PARP16: variants seen among roughly 807,000 people sequenced by gnomAD.
PARP16 encodes protein mono-ADP-ribosyltransferase PARP16.
PARP16 carries 31 observed loss-of-function variants against 35.0 expected under a neutral mutation model. The ratio of observed to expected loss-of-function variants is 0.88; its 90% CI spans 0.66 to 1.19. PARP16 has a LOEUF of 1.19. Among genes scored for constraint, PARP16 ranks in the 50% most tolerant of loss-of-function variants. PARP16 has a pLI of 0.00. For missense variants in PARP16, 424 were observed against 411.2 expected (o/e 1.03, Z -0.27); for synonymous variants, 162 against 169.5 (o/e 0.96, Z 0.34).
In PARP16 at chr15:65,275,314, T is replaced by A. The variant is rs1459927527; in HGVS notation, c.175-4242A>T. On this transcript the variant is annotated intron_variant, in intron 1 of 5. Coordinates refer to ENST00000649807, the MANE Select transcript of PARP16 (RefSeq NM_001316943.2). Reference sequence around the variant, plus strand: ...AAAGCGCAGCATGTAGCTGGGGAAGTGGGTGGTGGCATGGTTAATTGTGCA... The same window carrying A: ...AAAGCGCAGCATGTAGCTGGGGAAGAGGGTGGTGGCATGGTTAATTGTGCA... Among the ~76,000 whole-genome samples, 8 of 152,082 alleles carry A rather than the reference T, an allele frequency of 5.3e-5. No homozygotes were observed. The East Asian group carries it at 1.5e-3, about 29-fold the overall frequency.
Position 65,260,935 on chromosome 15 carries a change from C to A in PARP16, c.783G>T (p.Gln261His). ...CCAGGAGGTACTTCACTCGCAGCAG[C>A]TGGTTATTGGTGACCACGAAGTACT... ...PPKYFVVTNN[Q>H]LLRVKYLLVY... The change falls in exon 5 of 6, where the codon CAG becomes CAT. Residue 261 changes from glutamine (Q) to histidine (H), a missense_variant. Transcript: ENST00000649807. 1 of 1,614,062 alleles carries A rather than the reference C, an allele frequency of 6.2e-7. No homozygotes were observed. Among genetic ancestry groups the A allele is most frequent in the Non-Finnish European group, 8.5e-7 (1 of 1,179,966 alleles).
downstream of PARP16, among the ~76,000 whole-genome samples, chr15:65,234,162 T>C (rs755116): frequency 6.6e-6 from 1 of 152,012 alleles, no homozygotes; most frequent in Non-Finnish European, 1.5e-5. Context: ...AAACTATCCA[T>C]GGGCCCAAGA....
intron 3 of PARP16, among the ~76,000 whole-genome samples, chr15:65,239,424 TAAAAAAAAA>T (rs758350761): frequency 9.8e-3 from 68 of 6,958 alleles, no homozygotes; most frequent in African/African-American, 0.031. Flanking sequence ...AGACTTTGCC[TAAAAAAAAA>T]AAAAAAAAAA....
At chr15:65,265,489 A>G (rs1405908111) in intron 3 of PARP16, among the ~76,000 whole-genome samples, 1 of 152,168 alleles carries the variant, frequency 6.6e-6, no homozygotes, top group Non-Finnish European at 1.5e-5. Flanking sequence ...GAGGGGTAAA[A>G]TAAATGCCTG....
chr15:65,280,787 A>G (rs918081418), intron 1 of PARP16, among the ~76,000 whole-genome samples: 20 of 152,226 alleles, frequency 1.3e-4, no homozygotes, highest in Admixed American at 4.6e-4. Context: ...AGTGCAAGCC[A>G]GAAACCAGAA....
At chr15:65,283,961 C>T (rs549235881) in intron 1 of PARP16, among the ~76,000 whole-genome samples, 1 of 152,284 alleles carries the variant, frequency 6.6e-6, no homozygotes, top group African/African-American at 2.4e-5. Context: ...CCTGAAACGC[C>T]TGTGCACTGT....
At chr15:65,247,215 G>A (rs2089232262) in intron 3 of PARP16, among the ~76,000 whole-genome samples, 1 of 152,082 alleles carries the variant, frequency 6.6e-6, no homozygotes, top group Non-Finnish European at 1.5e-5. Flanking sequence ...GGCTGGTCTC[G>A]AACTCCTGAC....
At chr15:65,269,177 T>C (rs2090006462) in intron 2 of PARP16, among the ~76,000 whole-genome samples, 1 of 59,086 alleles carries the variant, frequency 1.7e-5, no homozygotes, top group African/African-American at 4.4e-5. Context: ...AGTCGGTTTT[T>C]TTCTTTCTTT....
chr15:65,235,000 A>G (rs978071867), intron 3 of PARP16, among the ~76,000 whole-genome samples: 1 of 152,116 alleles, frequency 6.6e-6, no homozygotes, highest in Non-Finnish European at 1.5e-5. Context: ...AATACAAAAA[A>G]AAGGGGTGGG....
downstream of PARP16, among the ~76,000 whole-genome samples, chr15:65,257,243 C>A (rs1371122154): frequency 6.6e-6 from 1 of 152,034 alleles, no homozygotes; most frequent in Non-Finnish European, 1.5e-5. Flanking sequence ...ATGGTAAAAC[C>A]CCATCTCTAC....
chr15:65,284,124 C>A (rs1255249858), intron 1 of PARP16, among the ~76,000 whole-genome samples: 1 of 152,098 alleles, frequency 6.6e-6, no homozygotes, highest in Non-Finnish European at 1.5e-5. Context: ...ACGCTAAACA[C>A]GTGTTGATTC....
In PARP16 at chr15:65,238,497, T is replaced by G. The variant is rs533954097; in HGVS notation, c.*98-3674A>C. ...ATCCTGGATTTCTCCATTTCCCTCA[T>G]GCAGTTTATCCAAACTGCTAGCAAG... is the stretch of plus-strand genomic sequence containing the variant. On this transcript the variant is annotated intron_variant and NMD_transcript_variant, in intron 3 of 3. Coordinates refer to the PARP16 transcript ENST00000559805. 9.2e-5 allele frequency among the ~76,000 whole-genome samples: 14 copies of G among 152,258 alleles called. No homozygotes were observed. In the East Asian group the frequency reaches 2.7e-3, roughly 29 times the overall value.
In PARP16 at chr15:65,286,429, C is replaced by G; in HGVS notation, c.-3G>C. The G allele has an allele frequency of 6.7e-7, 1 of 1,490,104 alleles. No homozygotes were observed. The highest frequency in any genetic ancestry group is 8.9e-7 in the Non-Finnish European group (1 of 1,123,588). The allele number at this position is 1,490,104 out of a possible 1,614,324, so 92.3% of individuals were successfully genotyped here. ...GCCGCCCAGCCTGAGGGCTGCATCC[C>G]AGGTCACTGCGCGTTGCCGGGGTAG... On this transcript the variant is annotated 5_prime_UTR_variant, in exon 1 of 6. Transcript: ENST00000649807.
At chr15:65,277,613 G>T (rs1178433707) in intron 1 of PARP16, among the ~76,000 whole-genome samples, 1 of 152,226 alleles carries the variant, frequency 6.6e-6, no homozygotes, top group Non-Finnish European at 1.5e-5. Flanking sequence ...CTTGCCTAGG[G>T]GCACACAGCT....
chr15:65,263,230 G>C lies in PARP16; in HGVS notation c.610C>G (p.Leu204Val). 2 of 1,614,146 alleles carry C rather than the reference G, an allele frequency of 1.2e-6. No individual in the cohort carries two copies. Among genetic ancestry groups the C allele is most frequent in the Non-Finnish European group, 1.7e-6 (2 of 1,179,970 alleles). The stretch of plus-strand genomic sequence containing the variant: ...ACACAGCTAAGGATGGGGCCGAGGA[G>C]GCTGTGCTGCCACCCATGGCCATGG... Reference protein sequence around the residue: ...SPHGHGWQHSLLGPILSCVAV... With the variant: ...SPHGHGWQHSVLGPILSCVAV... The change falls in exon 4 of 6, where the codon CTC becomes GTC. Residue 204 changes from leucine to valine, a missense_variant. Leu to Val is a conservative substitution (Grantham distance 32). Transcript: ENST00000649807.
chr15:65,252,279 C>G (rs11629891), intron 2 of PARP16, among the ~76,000 whole-genome samples: 3 of 151,998 alleles, frequency 2.0e-5, no homozygotes, highest in Admixed American at 6.6e-5. Flanking sequence ...GTGACAAGAA[C>G]AACAGATGGA....
At chr15:65,284,080 G>T (rs888478900) in intron 1 of PARP16, among the ~76,000 whole-genome samples, 1 of 152,148 alleles carries the variant, frequency 6.6e-6, no homozygotes, top group African/African-American at 2.4e-5. Flanking sequence ...GATAGCAAAG[G>T]AGGAACCAAA....
At chr15:65,264,650 C>CCA (rs2089835132) in intron 3 of PARP16, among the ~76,000 whole-genome samples, 1 of 152,242 alleles carries the variant, frequency 6.6e-6, no homozygotes, top group African/African-American at 2.4e-5. Flanking sequence ...TGATCTGACC[C>CCA]CACATCCATT....
chr15:65,270,797 A>G lies in PARP16; in HGVS notation c.312+138T>C, dbSNP rs949469380. 1.2e-5 allele frequency: 10 copies of G among 803,784 alleles called. No individual in the cohort carries two copies. The African/African-American group carries it at 1.7e-4, about 14-fold the overall frequency. 49.8% of individuals were successfully genotyped at this position (803,784 alleles called of 1,614,324 possible). ...TCCAGACACAGAACTAGAAAGTCTAAAGGTGAGGACCAGGACTCTGCATTC... is the reference window on the plus strand; with the variant it reads ...TCCAGACACAGAACTAGAAAGTCTAGAGGTGAGGACCAGGACTCTGCATTC... On this transcript the variant is annotated intron_variant, in intron 2 of 5. Transcript: ENST00000649807.
Sources: allele counts gnomAD v4.1 joint callset (sites outside exome capture counted in the v4.1 genomes callset), GRCh38; gene constraint gnomAD v4.1.1; transcripts MANE v1.5; gene names NCBI Gene and HGNC (gene_info 2026-07-23, HGNC 2026-07-21).